The following WFDC9 variants were observed in gnomAD, a reference collection of about 807,000 sequenced individuals.
WFDC9 encodes WAP four-disulfide core domain 9, also known as protein WFDC9.
A neutral mutation model predicts 9.5 loss-of-function variants in WFDC9; 9 were observed. The observed-to-expected ratio is 0.95, with a 90% confidence interval of 0.57 to 1.65. WFDC9 has a LOEUF of 1.65. Ranked by LOEUF, WFDC9 falls within the 40% of genes most tolerant of loss-of-function variation. The pLI is 0.00. For missense variants in WFDC9, 87 were observed against 106.7 expected (o/e 0.82, Z 0.81); for synonymous variants, 33 against 32.3 (o/e 1.02, Z -0.07).
At position 45,608,087 on chromosome 20, in the gene WFDC9, C is replaced by G. The variant is rs748514006; in HGVS notation, c.*23G>C. On this transcript the variant is annotated 3_prime_UTR_variant, in exon 5 of 5. Transcript: ENST00000326000. ...GACCAGATGGTCATCCTTCAGCCCA[C>G]AGTAGTGATCGGCCAATAGAATCTA... 3.1e-6 allele frequency: 5 copies of G among 1,613,428 alleles called. No individual in the cohort carries two copies. Among genetic ancestry groups the G allele is most frequent in the Non-Finnish European group, 4.2e-6 (5 of 1,179,666 alleles).
chr20:45,621,811 C>A (rs141438464), intron 1 of WFDC9, among the ~76,000 whole-genome samples: 4 of 152,154 alleles, frequency 2.6e-5, no homozygotes, highest in African/African-American at 9.7e-5. Flanking sequence ...AAGCATGCAC[C>A]TGATTTCTTC....
At position 45,630,970 on chromosome 20, in the gene WFDC9, CAT is replaced by C. The variant is rs762308764; in HGVS notation, c.-153+231_-153+232del. The C allele has an allele frequency of 3.1e-6, 5 of 1,611,840 alleles. No homozygotes were observed. The East Asian group carries it at 8.9e-5, about 29-fold the overall frequency. On this transcript the variant is annotated intron_variant, in intron 1 of 4. Transcript: ENST00000326000. ...CTCACCGAGATTGTCAAGCAAATAA[CAT>C]ATGCTGTTCTACCTACTGTGGGAAT...
chr20:45,619,249 C>T (rs2145598936), intron 1 of WFDC9, among the ~76,000 whole-genome samples: 1 of 152,266 alleles, frequency 6.6e-6, no homozygotes, highest in South Asian at 2.1e-4. Context: ...TGCTGGAGAG[C>T]TGAGGAGCAC....
At chr20:45,610,069 C>G in intron 3 of WFDC9, 22 bp downstream of exon 3, 1 of 1,602,364 alleles carries the variant, frequency 6.2e-7, no homozygotes, top group Non-Finnish European at 8.6e-7. Flanking sequence ...CAGAGCACCC[C>G]GTCCCTTTTC....
intron 2 of WFDC9, among the ~76,000 whole-genome samples, chr20:45,613,732 G>T (rs1316274821): frequency 6.6e-6 from 1 of 152,110 alleles, no homozygotes; most frequent in Non-Finnish European, 1.5e-5. Flanking sequence ...CTAATCTCCT[G>T]CTCTTGCTAG....
At chr20:45,622,353 C>G (rs761431563) in intron 1 of WFDC9, among the ~76,000 whole-genome samples, 18 of 152,020 alleles carry the variant, frequency 1.2e-4, no homozygotes, top group Non-Finnish European at 2.5e-4. Flanking sequence ...AGTTTTCTTT[C>G]TCTATTCTTT....
intron 1 of WFDC9, 132 bp from the exon 2 acceptor site, chr20:45,614,853 C>T (rs1384579909): frequency 6.6e-6 from 1 of 152,190 alleles, no homozygotes; most frequent in African/African-American, 2.4e-5. Context: ...CTTTGATATT[C>T]ACCCATCCAG....
intron 1 of WFDC9, among the ~76,000 whole-genome samples, chr20:45,623,575 C>T (rs760091395): frequency 2.0e-5 from 3 of 150,694 alleles, no homozygotes; most frequent in Non-Finnish European, 3.0e-5. Context: ...TGCAGTGAGC[C>T]GAGATCATGC....
intron 1 of WFDC9, among the ~76,000 whole-genome samples, chr20:45,630,413 G>A (rs539912776): frequency 9.2e-5 from 14 of 152,238 alleles, no homozygotes; most frequent in Admixed American, 7.2e-4. Context: ...GAAGGGGCAG[G>A]AAGACTAGAG....
At chr20:45,617,728 T>C (rs940777498) in intron 1 of WFDC9, among the ~76,000 whole-genome samples, 2 of 152,114 alleles carry the variant, frequency 1.3e-5, no homozygotes, top group Non-Finnish European at 2.9e-5. Flanking sequence ...GCTCAAACAA[T>C]CTTCCCCCAC....
At chr20:45,612,589 T>C (rs1981885138) in intron 2 of WFDC9, among the ~76,000 whole-genome samples, 1 of 152,054 alleles carries the variant, frequency 6.6e-6, no homozygotes, top group Admixed American at 6.6e-5. Flanking sequence ...AAAATCTTAA[T>C]AAAAAGGAAT....
rs542739838 is a variant in WFDC9, at chr20:45,613,858, C to A, written c.-59+770G>T. Among the ~76,000 whole-genome samples, 5 of 152,268 alleles carry A rather than the reference C, an allele frequency of 3.3e-5. No homozygotes were observed. The East Asian group carries it at 9.6e-4, about 29-fold the overall frequency. On this transcript the variant is annotated intron_variant, in intron 2 of 4. Coordinates refer to ENST00000326000, the MANE Select transcript of WFDC9 (RefSeq NM_147198.4). ...AAGACAGGTGAACCATGAAGATACT[C>A]TGTTATCTGCTTACAGCCAGGGATG...
intron 1 of WFDC9, among the ~76,000 whole-genome samples, chr20:45,627,739 A>C (rs534637409): frequency 2.2e-4 from 34 of 152,258 alleles, no homozygotes; most frequent in Admixed American, 2.2e-3. Flanking sequence ...GGAAGCTCTG[A>C]CTTATATATT....
intron 2 of WFDC9, 114 bp from the exon 3 acceptor site, chr20:45,610,353 T>A: frequency 2.0e-6 from 1 of 500,740 alleles, no homozygotes. Context: ...ACCAACCAAC[T>A]CCCAGGCTAG....
intron 1 of WFDC9, chr20:45,629,744 C>G (rs1982309156): frequency 6.4e-7 from 1 of 1,557,068 alleles, no homozygotes. Flanking sequence ...CCTTCACTCT[C>G]CGTAGACAGC....
At chr20:45,613,676 T>C (rs939051658) in intron 2 of WFDC9, among the ~76,000 whole-genome samples, 1 of 152,134 alleles carries the variant, frequency 6.6e-6, no homozygotes, top group Non-Finnish European at 1.5e-5. Flanking sequence ...AAATATCTGA[T>C]CTGATCTACA....
chr20:45,622,549 A>C (rs2145600548), intron 1 of WFDC9, among the ~76,000 whole-genome samples: 1 of 152,314 alleles, frequency 6.6e-6, no homozygotes, highest in East Asian at 1.9e-4. Context: ...AACAATCTTA[A>C]AGTAGCAGAA....
chr20:45,628,244 C>A (rs1982267679), intron 1 of WFDC9, among the ~76,000 whole-genome samples: 1 of 152,094 alleles, frequency 6.6e-6, no homozygotes, highest in Admixed American at 6.5e-5. Flanking sequence ...AATGGGTATC[C>A]TTTTTTCATG....
intron 2 of WFDC9, 66 bp downstream of exon 2, chr20:45,614,562 G>C (rs188775035): frequency 8.5e-5 from 13 of 152,184 alleles, no homozygotes; most frequent in African/African-American, 3.1e-4. Flanking sequence ...CACCATCTGG[G>C]CTAGGAATTA....
Sources: gnomAD v4.1 joint callset for allele counts (sites outside exome capture counted in the v4.1 genomes callset) on GRCh38, gnomAD v4.1.1 for gene constraint, MANE v1.5 for transcripts, NCBI Gene and HGNC (gene_info 2026-07-23, HGNC 2026-07-21) for gene names.